Variants in FRY observed in about 807,000 individuals in gnomAD.
FRY encodes the protein protein furry homolog.
FRY carries 128 observed loss-of-function variants against 348.4 expected under a neutral mutation model. That is an observed-to-expected ratio of 0.37 (90% confidence interval 0.32 to 0.43). The LOEUF is 0.43. Among genes scored for constraint, FRY ranks in the 20% least tolerant of loss-of-function variants. The pLI, the probability that FRY is intolerant of heterozygous loss-of-function variation, is 1.00. For missense variants in FRY, 2,736 were observed against 3,695.2 expected, an observed-to-expected ratio of 0.74 and a Z score of 6.73; for synonymous variants, 1,370 against 1,374.7, an observed-to-expected ratio of 1.00 and a Z score of 0.08.
At chr13:32,196,091 C>T (rs565400650) in intron 29 of FRY, among the ~76,000 whole-genome samples, 1 of 152,194 alleles carries the variant, frequency 6.6e-6, no homozygotes, top group Non-Finnish European at 1.5e-5. Context: ...ATATTTTCAG[C>T]TCTTGCTTGA....
At position 32,068,215 on chromosome 13, in the gene FRY, TA is replaced by T. The variant is rs527755092; in HGVS notation, c.71-10617del. Among the ~76,000 whole-genome samples, 587 of 152,162 alleles carry T rather than the reference TA, an allele frequency of 3.9e-3. 4 individuals carry two copies. Among genetic ancestry groups the T allele is most frequent in the Non-Finnish European group, 4.2e-3 (289 of 68,012 alleles). On this transcript the variant is annotated intron_variant, in intron 1 of 60. Transcript: ENST00000542859. Reference sequence around the variant, plus strand: ...CATTTTGAATTTGTAGAGTTCACATTAATGATATTTTGCGGCATAAAATGAG... The same window carrying T: ...CATTTTGAATTTGTAGAGTTCACATTATGATATTTTGCGGCATAAAATGAG...
intron 2 of FRY, among the ~76,000 whole-genome samples, chr13:32,085,432 T>TA (rs1255709170): frequency 1.3e-5 from 2 of 152,200 alleles, no homozygotes; most frequent in African/African-American, 4.8e-5. Flanking sequence ...ACAAAAGAGA[T>TA]AAAGTTAAAG....
chr13:32,110,079 T>A (rs1285296254), intron 3 of FRY, among the ~76,000 whole-genome samples: 1 of 152,196 alleles, frequency 6.6e-6, no homozygotes, highest in Non-Finnish European at 1.5e-5. Context: ...TGAGGAAGGC[T>A]TTTGCTGCAA....
intron 17 of FRY, among the ~76,000 whole-genome samples, chr13:32,170,447 A>G (rs1457473971): frequency 6.6e-6 from 1 of 152,238 alleles, no homozygotes; most frequent in African/African-American, 2.4e-5. Flanking sequence ...TGTTAACATT[A>G]GGGGAGGCCC....
At chr13:32,251,052 A>G (rs1450863530) in intron 49 of FRY, among the ~76,000 whole-genome samples, 3 of 152,194 alleles carry the variant, frequency 2.0e-5, no homozygotes, top group African/African-American at 7.2e-5. Context: ...AGTTCCGTTA[A>G]GAAGAAAAAT....
chr13:32,055,903 A>C (rs1256297644), intron 1 of FRY, among the ~76,000 whole-genome samples: 1 of 152,076 alleles, frequency 6.6e-6, no homozygotes, highest in African/African-American at 2.4e-5. Context: ...TTAAGAATAC[A>C]CCTGGTAGGC....
At chr13:32,124,407 T>C (rs629265) in intron 5 of FRY, 31 bp downstream of exon 5, 642,085 of 1,199,264 alleles carry the variant, frequency 0.54, 176,634 homozygotes, top group South Asian at 0.67. Context: ...TACTTTTAGA[T>C]AATATTTATT....
chr13:32,197,326 T>C (rs891449851), intron 29 of FRY, among the ~76,000 whole-genome samples: 30 of 152,374 alleles, frequency 2.0e-4, no homozygotes, highest in African/African-American at 7.2e-4. Context: ...AATGCCTATT[T>C]CTTCAGGGAA....
chr13:32,234,787 C>T (rs898891705), intron 42 of FRY, 26 bp downstream of exon 42: 16 of 1,581,154 alleles, frequency 1.0e-5, no homozygotes, highest in East Asian at 4.5e-5. Context: ...CCACTGAGCT[C>T]GTGAAGGATG....
At chr13:32,036,418 T>A (rs560932733) in intron 1 of FRY, among the ~76,000 whole-genome samples, 1 of 152,134 alleles carries the variant, frequency 6.6e-6, no homozygotes, top group East Asian at 1.9e-4. Context: ...TCAACATCCA[T>A]GTTCTCAAAA....
At position 32,179,686 on chromosome 13, in the gene FRY, C is replaced by CA; in HGVS notation, c.2883_2884insA (p.Pro962ThrfsTer20). On this transcript the variant is annotated frameshift_variant, in exon 23 of 61. Transcript: ENST00000542859. LOFTEE classifies it high-confidence loss of function. Reference sequence around the variant, plus strand: ...TCAACTTATTTCAGGCCATAGGCACCCCATCGGTGGGAGTTCTGTTAAAGC... The same window carrying CA: ...TCAACTTATTTCAGGCCATAGGCACCACCATCGGTGGGAGTTCTGTTAAAGC... 6.2e-7 allele frequency: 1 copy of CA among 1,613,926 alleles called. No individual in the cohort carries two copies.
intron 41 of FRY, among the ~76,000 whole-genome samples, chr13:32,232,490 G>C (rs757328280): frequency 2.0e-5 from 3 of 152,214 alleles, no homozygotes; most frequent in Admixed American, 1.3e-4. Context: ...CACAACAGAA[G>C]GTTATTCCTG....
chr13:32,084,092 T>C (rs1294281313), intron 2 of FRY, among the ~76,000 whole-genome samples: 1 of 152,170 alleles, frequency 6.6e-6, no homozygotes, highest in Admixed American at 6.6e-5. Context: ...CGTGTGAGCT[T>C]TTGGGTTATC....
rs1879623867 is a variant in FRY at position 32,135,104 on chromosome 13, A to T, written c.998A>T (p.Asn333Ile). The T allele has an allele frequency of 1.9e-6, 3 of 1,610,510 alleles. No individual in the cohort carries two copies. The highest frequency in any genetic ancestry group is 1.7e-5 in the Admixed American group (1 of 60,016). Residue 333 changes from asparagine (N) to isoleucine (I), a missense_variant, in exon 10 of 61, where the codon AAT (asparagine) becomes ATT (isoleucine). Asn to Ile is a moderately radical substitution (Grantham distance 149, BLOSUM62 -3). Around this residue, in one of 9 missense-constraint regions of FRY, gnomAD observed 309 missense variants for 418.1 expected, o/e 0.74. Coordinates refer to ENST00000542859, the MANE Select transcript of FRY (RefSeq NM_023037.3). ...TTTCAGGCTGTTAAAAATGAAGTAA[A>T]TGTTCCCTGCCTTAGAAATTTTGTG... ...PVAAAVKNEV[N>I]VPCLRNFVES...
At chr13:32,057,669 T>C (rs1480618877) in intron 1 of FRY, among the ~76,000 whole-genome samples, 1 of 152,146 alleles carries the variant, frequency 6.6e-6, no homozygotes, top group Non-Finnish European at 1.5e-5. Flanking sequence ...CTTAAAAATA[T>C]TCGCAGTCAG....
chr13:32,209,741 T>G lies in FRY; in HGVS notation c.4422+10T>G. ...AGTTCTCCTACCCTATGTAAGTGTCTCTCAGCCCTTCAAGAGTGATTATTC... is the reference window on the plus strand; with the variant it reads ...AGTTCTCCTACCCTATGTAAGTGTCGCTCAGCCCTTCAAGAGTGATTATTC... On this transcript the variant is annotated intron_variant, in intron 33 of 60. Transcript: ENST00000542859. 1 of 1,613,816 alleles carries G rather than the reference T, an allele frequency of 6.2e-7. No homozygotes were observed.
chr13:32,127,205 C>T (rs80291635), intron 7 of FRY, among the ~76,000 whole-genome samples: 5,307 of 152,102 alleles, frequency 0.035, 97 homozygotes, highest in Middle Eastern at 0.051. Context: ...TCTCTTTATG[C>T]GATATTATCT....
chr13:32,224,259 G>A lies in FRY; in HGVS notation c.4790G>A (p.Gly1597Asp), dbSNP rs749397446. 6.2e-7 allele frequency: 1 copy of A among 1,613,922 alleles called. No individual in the cohort carries two copies. Among genetic ancestry groups the A allele is most frequent in the Non-Finnish European group, 8.5e-7 (1 of 1,179,970 alleles). Residue 1597 changes from glycine (G) to aspartate (D), a missense_variant, in exon 37 of 61, where the codon GGC becomes GAC. Gly to Asp is a moderately conservative substitution (Grantham distance 94). This residue lies in a region of FRY where 794 missense variants were observed against 977.0 expected (regional missense o/e 0.81). Transcript: ENST00000542859. Reference protein sequence around the residue: ...DKNDPISPYTGWLLTITETKQ... With the variant: ...DKNDPISPYTDWLLTITETKQ... Reference sequence around the variant, plus strand: ...GATGATCCAATTTCTCCCTACACGGGCTGGTTGCTGACTATTACAGAGACC... The same window carrying A: ...GATGATCCAATTTCTCCCTACACGGACTGGTTGCTGACTATTACAGAGACC...
chr13:32,209,235 G>A, intron 32 of FRY, 126 bp downstream of exon 32: 1 of 1,076,258 alleles, frequency 9.3e-7, no homozygotes, highest in South Asian at 1.3e-5. Flanking sequence ...AAATAGTGGT[G>A]ATGGTTGCAC....
Sources: gnomAD v4.1 joint callset for allele counts (sites outside exome capture counted in the v4.1 genomes callset) on GRCh38, gnomAD v4.1.1 for gene constraint, gnomAD v4.1.1 regional missense constraint, MANE v1.5 for transcripts, NCBI Gene and HGNC (gene_info 2026-07-23, HGNC 2026-07-21) for gene names.